The following NAPEPLD variants were observed in gnomAD, a reference collection of about 807,000 sequenced individuals.
The protein encoded by NAPEPLD is N-acyl-phosphatidylethanolamine-hydrolyzing phospholipase D.
In NAPEPLD, 23 loss-of-function variants were observed where a neutral mutation model predicts 38.1. The ratio of observed to expected loss-of-function variants is 0.60; its 90% CI spans 0.43 to 0.86. The LOEUF (loss-of-function observed/expected upper bound fraction) is 0.86, where lower values mean the gene tolerates loss of function less well. Among genes scored for constraint, NAPEPLD ranks in the 40% least tolerant of loss-of-function variants. The pLI is 0.00. For synonymous variants in NAPEPLD, 147 were observed against 162.0 expected (o/e 0.91, Z 0.71); for missense variants, 411 against 476.8 (o/e 0.86, Z 1.28).
At chr7:103,149,633 A>C (rs1164508864), upstream of NAPEPLD, 1 of 458,520 alleles carries the variant, frequency 2.2e-6, no homozygotes, top group Non-Finnish European at 3.3e-6. Flanking sequence ...TTGGTAAAGG[A>C]AGCGCCTGGG....
rs1811348896 is a variant in NAPEPLD at position 103,141,497 on chromosome 7, T to A, written c.-17+7314A>T. The A allele has an allele frequency of 3.5e-6, 5 of 1,418,574 alleles. No individual in the cohort carries two copies. In the East Asian group the frequency reaches 1.1e-4, roughly 32 times the overall value. The allele number at this position is 1,418,574 out of a possible 1,614,324, so 87.9% of individuals were successfully genotyped here. A position where few individuals can be genotyped will look rare whatever the true frequency, so the allele number is the denominator to read the frequency against. On this transcript the variant is annotated intron_variant, in intron 1 of 4. Transcript: ENST00000465647. ...AGCCAGGAGCTTCTTGCGGGCCTTG[T>A]CTGCCTTCAGCTTGTGGATGTGTTC...
intron 4 of NAPEPLD, among the ~76,000 whole-genome samples, chr7:103,110,804 T>C (rs1003052680): frequency 5.3e-5 from 8 of 152,214 alleles, no homozygotes; most frequent in Non-Finnish European, 1.0e-4. Context: ...TGTTTGCAGA[T>C]GACATGATTG....
intron 4 of NAPEPLD, among the ~76,000 whole-genome samples, chr7:103,105,932 C>CAA (rs1194781765): frequency 0.02 from 990 of 48,854 alleles, 31 homozygotes; most frequent in African/African-American, 0.046. Context: ...GACTCCGTCT[C>CAA]AAAAAAAAAA....
chr7:103,105,459 A>T (rs915998906), intron 4 of NAPEPLD, among the ~76,000 whole-genome samples: 3 of 152,242 alleles, frequency 2.0e-5, no homozygotes, highest in African/African-American at 4.8e-5. Flanking sequence ...ACTCGTTTCC[A>T]TCAAAACTAG....
chr7:103,115,509 C>G (rs747718042), intron 3 of NAPEPLD, among the ~76,000 whole-genome samples: 14 of 152,210 alleles, frequency 9.2e-5, no homozygotes, highest in Non-Finnish European at 1.9e-4. Context: ...AAGTCTCAAG[C>G]AAACTCCCCT....
At chr7:103,129,958 C>A (rs754504654) in intron 1 of NAPEPLD, among the ~76,000 whole-genome samples, 1 of 152,182 alleles carries the variant, frequency 6.6e-6, no homozygotes, top group East Asian at 1.9e-4. Flanking sequence ...TAACTCAAGG[C>A]ATTAAAATCC....
chr7:103,122,638 A>C (rs972239232), intron 2 of NAPEPLD, among the ~76,000 whole-genome samples: 41 of 152,218 alleles, frequency 2.7e-4, no homozygotes, highest in African/African-American at 9.6e-4. Flanking sequence ...CATTCCTGTG[A>C]GGATAGAATT....
chr7:103,148,195 A>T, intron 1 of NAPEPLD: 1 of 699,612 alleles, frequency 1.4e-6, no homozygotes. Flanking sequence ...CTCAGGAATG[A>T]CTTCCTGGAC....
In NAPEPLD at chr7:103,119,894, T is replaced by C. The variant is rs1806287552; in HGVS notation, c.624A>G (p.Arg208=). ...CAAGGAGACCCAAAGGCACAAACCA[T>C]CTCAACTCATTACCAAATCGCTCAT... The part of the protein sequence containing the change: ...ALNERFGNEL[R]WFVPLGLLDW... The change falls in exon 3 of 5, where the codon AGA becomes AGG. Residue 208 remains arginine (R), a synonymous_variant. Transcript: ENST00000465647. The C allele has an allele frequency of 1.2e-6, 2 of 1,614,036 alleles. No homozygotes were observed. The highest frequency in any genetic ancestry group is 1.3e-5 in the African/African-American group (1 of 74,910).
intron 1 of NAPEPLD, among the ~76,000 whole-genome samples, chr7:103,145,232 C>T (rs886569363): frequency 2.0e-4 from 30 of 152,234 alleles, no homozygotes; most frequent in South Asian, 2.1e-4. Context: ...TAATGCTATA[C>T]GTAATCAGGC....
rs953671437 is a variant in NAPEPLD, at chr7:103,148,169, A to G, written c.-17+642T>C. ...TAACAAACATGGGAATTATTTCTCA[A>G]TTTGAAGAACTGCATCTCAGGAATG... is the stretch of plus-strand genomic sequence containing the variant. On this transcript the variant is annotated intron_variant, in intron 1 of 4. Coordinates refer to ENST00000465647, the MANE Select transcript of NAPEPLD (RefSeq NM_001122838.3). 3.4e-6 allele frequency: 3 copies of G among 885,078 alleles called. No individual in the cohort carries two copies. In the African/African-American group the frequency reaches 5.4e-5, roughly 16 times the overall value. The allele number at this position is 885,078 out of a possible 1,614,324, so 54.8% of individuals were successfully genotyped here.
In NAPEPLD at chr7:103,120,701, C is replaced by CTTTTTTTTTTTTT. The variant is rs869141133; in HGVS notation, c.295-491_295-479dup. On this transcript the variant is annotated intron_variant, in intron 2 of 4. Transcript: ENST00000465647. ...CATGAATCATGAATCTGATATTTTTCTTTTTTTTTTTTTTTTTTTTTTTTT... is the reference window on the plus strand; with the variant it reads ...CATGAATCATGAATCTGATATTTTTCTTTTTTTTTTTTTTTTTTTTTTTTTTTTTTTTTTTTTT... Among the ~76,000 whole-genome samples the CTTTTTTTTTTTTT allele has an allele frequency of 7.4e-4, 61 of 82,526 alleles. 8 individuals are homozygous for CTTTTTTTTTTTTT. Among genetic ancestry groups the CTTTTTTTTTTTTT allele is most frequent in the East Asian group, 1.3e-3 (3 of 2,272 alleles). The allele number at this position is 82,526 out of a possible 152,430, so 54.1% of individuals were successfully genotyped here. A position where few individuals can be genotyped will look rare whatever the true frequency, so the allele number is the denominator to read the frequency against.
upstream of NAPEPLD, chr7:103,149,412 C>G: frequency 8.1e-7 from 1 of 1,229,442 alleles, no homozygotes; most frequent in Non-Finnish European, 1.0e-6. Context: ...CTAACCCGAG[C>G]CCGCCGCGCT....
At chr7:103,141,818 A>G in intron 1 of NAPEPLD, 1 of 918,134 alleles carries the variant, frequency 1.1e-6, no homozygotes, top group Non-Finnish European at 1.8e-6. Flanking sequence ...CAGCTTCCGG[A>G]TCTGCTGACG....
intron 1 of NAPEPLD, among the ~76,000 whole-genome samples, chr7:103,146,210 T>C (rs1054526431): frequency 6.6e-6 from 1 of 152,188 alleles, no homozygotes; most frequent in African/African-American, 2.4e-5. Flanking sequence ...CTGGGTGTGG[T>C]GGCACATGCC....
rs1469156035 is a variant in NAPEPLD at position 103,101,772 on chromosome 7, T to C, written c.*1657A>G. 1 of 152,500 alleles carries C rather than the reference T, an allele frequency of 6.6e-6. No individual in the cohort carries two copies. The highest frequency in any genetic ancestry group is 1.5e-5 in the Non-Finnish European group (1 of 68,036). The allele number at this position is 152,500 out of a possible 1,614,324, so 9.4% of individuals were successfully genotyped here. ...AAAAGTTCAGATTTAGTGGCTAACG[T>C]GGCACCACACATACAGGTGTGCAAA... On this transcript the variant is annotated 3_prime_UTR_variant, in exon 5 of 5. Transcript: ENST00000465647.
intron 4 of NAPEPLD, among the ~76,000 whole-genome samples, chr7:103,109,225 T>A (rs1275049486): frequency 1.3e-5 from 2 of 152,282 alleles, no homozygotes; most frequent in African/African-American, 4.8e-5. Flanking sequence ...AACTCAGCTC[T>A]GGACCAAGCA....
Position 103,120,076 on chromosome 7 carries a change from G to C in NAPEPLD, c.442C>G (p.Pro148Ala). The C allele has an allele frequency of 1.2e-6, 2 of 1,614,188 alleles. No individual in the cohort carries two copies. The highest frequency in any genetic ancestry group is 1.7e-6 in the Non-Finnish European group (2 of 1,180,040). ...GGTGAAGCACGAGAGCTAAAGATGG[G>C]ATCCGTGAGAAATATGAGCTCATCC... ...EMDELIFLTD[P>A]IFSSRASPSQ... The change falls in exon 3 of 5, where the codon CCC becomes GCC. Residue 148 changes from proline (P) to alanine (A), a missense_variant. By Grantham distance (27) the Pro-to-Ala change is conservative. Transcript: ENST00000465647.
At chr7:103,119,533 A>C (rs936345443) in intron 3 of NAPEPLD, 44 bp downstream of exon 3, 7 of 1,546,038 alleles carry the variant, frequency 4.5e-6, no homozygotes, top group Non-Finnish European at 8.7e-7. Context: ...AAATTCAGTT[A>C]ATTTATCACA....
Sources: gnomAD v4.1 joint callset for allele counts (sites outside exome capture counted in the v4.1 genomes callset) on GRCh38, gnomAD v4.1.1 for gene constraint, MANE v1.5 for transcripts, NCBI Gene and HGNC (gene_info 2026-07-23, HGNC 2026-07-21) for gene names.